The following NLGN1 variants were observed in gnomAD, a reference collection of about 807,000 sequenced individuals.
NLGN1 encodes neuroligin-1.
A neutral mutation model predicts 65.5 loss-of-function variants in NLGN1; 12 were observed. The observed-to-expected ratio is 0.18, with a 90% CI of 0.12 to 0.30. The LOEUF (loss-of-function observed/expected upper bound fraction) is 0.30. Among genes scored for constraint, NLGN1 ranks in the 10% least tolerant of loss-of-function variants. The pLI is 1.00. For missense variants in NLGN1, 750 were observed against 1,007.1 expected (o/e 0.74, Z 3.46); for synonymous variants, 350 against 359.5 (o/e 0.97, Z 0.30).
chr3:174,046,202 C>T (rs1470822301), intron 4 of NLGN1, among the ~76,000 whole-genome samples: 1 of 152,128 alleles, frequency 6.6e-6, no homozygotes, highest in Non-Finnish European at 1.5e-5. Flanking sequence ...TCAGCAGTAA[C>T]TTGAAATTGC....
At chr3:174,108,587 A>G (rs1206493541) in intron 4 of NLGN1, among the ~76,000 whole-genome samples, 2 of 152,134 alleles carry the variant, frequency 1.3e-5, no homozygotes, top group Non-Finnish European at 2.9e-5. Context: ...ACTGAGCTCA[A>G]TTCTGGATAA....
At chr3:174,092,247 A>G (rs773446685) in intron 4 of NLGN1, among the ~76,000 whole-genome samples, 3 of 152,144 alleles carry the variant, frequency 2.0e-5, no homozygotes, top group Non-Finnish European at 4.4e-5. Flanking sequence ...CTGGGGAGAG[A>G]CACATAAGCT....
intron 4 of NLGN1, among the ~76,000 whole-genome samples, chr3:174,045,264 A>T (rs746970339): frequency 3.9e-5 from 6 of 152,118 alleles, no homozygotes; most frequent in Non-Finnish European, 8.8e-5. Flanking sequence ...TTCCACAGGG[A>T]TGGAAGGAAG....
intron 2 of NLGN1, among the ~76,000 whole-genome samples, chr3:173,575,896 T>C (rs1467452620): frequency 2.0e-5 from 3 of 152,094 alleles, no homozygotes; most frequent in African/African-American, 7.2e-5. Context: ...GTGACAGAGC[T>C]TTAGAATGAT....
At chr3:173,814,766 G>A (rs750969420) in intron 4 of NLGN1, among the ~76,000 whole-genome samples, 14 of 152,106 alleles carry the variant, frequency 9.2e-5, no homozygotes, top group Non-Finnish European at 1.3e-4. Flanking sequence ...TGTGAACCTT[G>A]CTATCAGTAG....
chr3:174,033,472 A>G (rs1208464099), intron 4 of NLGN1, among the ~76,000 whole-genome samples: 1 of 152,104 alleles, frequency 6.6e-6, no homozygotes, highest in African/African-American at 2.4e-5. Context: ...CAATCATCAG[A>G]ACAAGCTTCA....
intron 4 of NLGN1, among the ~76,000 whole-genome samples, chr3:173,917,867 G>GTGTGTGTT (rs1375314398): frequency 6.6e-6 from 1 of 152,022 alleles, no homozygotes; most frequent in African/African-American, 2.4e-5. Context: ...GTGTGTGTGT[G>GTGTGTGTT]TGTTGGCCTT....
intron 4 of NLGN1, among the ~76,000 whole-genome samples, chr3:173,881,640 A>G (rs546492172): frequency 6.6e-6 from 1 of 150,848 alleles, no homozygotes; most frequent in Non-Finnish European, 1.5e-5. Context: ...TGTAGCCAGG[A>G]TGGTCTCGAT....
intron 3 of NLGN1, among the ~76,000 whole-genome samples, chr3:173,738,631 C>G (rs572843376): frequency 6.6e-6 from 1 of 152,028 alleles, no homozygotes; most frequent in Admixed American, 6.6e-5. Context: ...ACCACACAAT[C>G]ATGATTACTG....
chr3:173,722,945 G>T (rs1771102107), intron 3 of NLGN1, among the ~76,000 whole-genome samples: 1 of 152,168 alleles, frequency 6.6e-6, no homozygotes, highest in Non-Finnish European at 1.5e-5. Context: ...AGATGGGCAA[G>T]AATATTTTAA....
At chr3:173,930,826 A>G (rs1440267569) in intron 4 of NLGN1, among the ~76,000 whole-genome samples, 1 of 152,192 alleles carries the variant, frequency 6.6e-6, no homozygotes, top group Non-Finnish European at 1.5e-5. Flanking sequence ...TACAGTCTCC[A>G]GGAGATAGAA....
chr3:173,817,710 C>G (rs760308928), intron 4 of NLGN1, among the ~76,000 whole-genome samples: 4 of 152,010 alleles, frequency 2.6e-5, no homozygotes, highest in Non-Finnish European at 4.4e-5. Context: ...ATATAGTAAT[C>G]TATAATATAG....
chr3:174,228,025 A>G (rs1446085620), intron 4 of NLGN1, among the ~76,000 whole-genome samples: 1 of 152,064 alleles, frequency 6.6e-6, no homozygotes, highest in African/African-American at 2.4e-5. Flanking sequence ...TGTATTTCAT[A>G]CTGAGACATA....
intron 3 of NLGN1, among the ~76,000 whole-genome samples, chr3:173,678,135 A>AGG (rs1763423131): frequency 6.6e-6 from 1 of 152,054 alleles, no homozygotes; most frequent in African/African-American, 2.4e-5. Context: ...TATCTAGTCA[A>AGG]CCTGAGCGTC....
intron 3 of NLGN1, among the ~76,000 whole-genome samples, chr3:173,614,348 A>C (rs1200570694): frequency 6.6e-6 from 1 of 152,038 alleles, no homozygotes; most frequent in African/African-American, 2.4e-5. Flanking sequence ...TAAAATTATT[A>C]AAAATATATA....
In NLGN1 at chr3:174,260,781, A is replaced by T. The variant is rs1577654621; in HGVS notation, c.647-14534A>T. Reference sequence around the variant, plus strand: ...GCCCATGCTTATGTCCTGAATGGTAATGCCTAGGTTTTCTTCTAGGGTTTT... The same window carrying T: ...GCCCATGCTTATGTCCTGAATGGTATTGCCTAGGTTTTCTTCTAGGGTTTT... On this transcript the variant is annotated intron_variant, in intron 4 of 6. Coordinates refer to ENST00000457714, the Ensembl canonical transcript of NLGN1. Among the ~76,000 whole-genome samples, 9 of 150,876 alleles carry T rather than the reference A, an allele frequency of 6.0e-5. No homozygotes were observed. The South Asian group carries it at 1.9e-3, about 32-fold the overall frequency.
intron 4 of NLGN1, among the ~76,000 whole-genome samples, chr3:173,868,013 A>G (rs1406775615): frequency 6.6e-6 from 1 of 152,216 alleles, no homozygotes; most frequent in African/African-American, 2.4e-5. Context: ...AAAATAGCCC[A>G]GATCCTCTAC....
At chr3:173,941,203 A>C (rs1181607669) in intron 4 of NLGN1, among the ~76,000 whole-genome samples, 1 of 152,090 alleles carries the variant, frequency 6.6e-6, no homozygotes, top group African/African-American at 2.4e-5. Flanking sequence ...TTTGCTCTTC[A>C]AACCATTCAG....
rs114986287 is a variant in NLGN1, at chr3:173,584,035, T to A, written c.-320-20244T>A. Among the ~76,000 whole-genome samples, 1,518 of 151,942 alleles carry A rather than the reference T, an allele frequency of 1.0e-2. 12 individuals are homozygous for A. Among genetic ancestry groups the A allele is most frequent in the African/African-American group, 0.021 (882 of 41,370 alleles). On this transcript the variant is annotated intron_variant, in intron 2 of 6. Transcript: ENST00000457714. Reference sequence around the variant, plus strand: ...TCACCGAATTGCCTCAAATTGGCATTTTAGCTACTAACTGCCATTGGGGAA... The same window carrying A: ...TCACCGAATTGCCTCAAATTGGCATATTAGCTACTAACTGCCATTGGGGAA...
Sources: gnomAD v4.1 joint callset for allele counts (sites outside exome capture counted in the v4.1 genomes callset) on GRCh38, gnomAD v4.1.1 for gene constraint, MANE v1.5 for transcripts, NCBI Gene and HGNC (gene_info 2026-07-23, HGNC 2026-07-21) for gene names.